Variants in KNTC1 observed in about 807,000 individuals in gnomAD.
The protein encoded by KNTC1 is kinetochore-associated protein 1.
In KNTC1, 253 loss-of-function variants were observed where a neutral mutation model predicts 314.4. The ratio of observed to expected loss-of-function variants is 0.80; its 90% confidence interval spans 0.73 to 0.89. The LOEUF is 0.89. KNTC1 is among the 40% of genes least tolerant of loss of function. The pLI, the probability that KNTC1 is intolerant of heterozygous loss-of-function variation, is 0.00. For missense variants in KNTC1, 2,475 were observed against 2,572.9 expected, an observed-to-expected ratio of 0.96 and a Z score of 0.82; for synonymous variants, 901 against 901.4, an observed-to-expected ratio of 1.00 and a Z score of 0.01.
chr12:122,596,532 TAA>T (rs1218125628), intron 43 of KNTC1, among the ~76,000 whole-genome samples: 1 of 141,112 alleles, frequency 7.1e-6, no homozygotes. Context: ...TTTTTATCTT[TAA>T]AAAAAAAAAA....
rs71085821 is a variant in KNTC1 at position 122,554,064 on chromosome 12, T to TA, written c.1272+2381dup. On this transcript the variant is annotated intron_variant, in intron 16 of 63. Transcript: ENST00000333479. ...GTTTTAAACATACAGAATACTTCCT[T>TA]AAAAAAAAAAAAATATATATATATA... 4.9e-3 allele frequency among the ~76,000 whole-genome samples: 600 copies of TA among 122,542 alleles called. 7 individuals carry two copies. The highest frequency in any genetic ancestry group is 8.9e-3 in the African/African-American group (273 of 30,536). 80.4% of individuals were successfully genotyped at this position (122,542 alleles called of 152,430 possible). A position where few individuals can be genotyped will look rare whatever the true frequency, so the allele number is the denominator to read the frequency against.
Position 122,613,148 on chromosome 12 carries a change from A to G in KNTC1, c.5659A>G (p.Thr1887Ala), listed in dbSNP as rs762564992. The change falls in exon 54 of 64, where the codon ACT becomes GCT. Residue 1887 changes from threonine (T) to alanine (A), a missense_variant. Physicochemically the swap from Thr to Ala is moderately conservative, Grantham distance 58. Coordinates refer to ENST00000333479, the MANE Select transcript of KNTC1 (RefSeq NM_014708.6). ...GCATCAGTTAACTTTTGCCCATAGA[A>G]CTCGAGCTCTTCAGTGTCTCTTCTA... ...GMHQLTFAHR[T>A]RALQCLFYLA... 1.9e-6 allele frequency: 3 copies of G among 1,613,552 alleles called. No individual in the cohort carries two copies. Among genetic ancestry groups the G allele is most frequent in the Non-Finnish European group, 1.7e-6 (2 of 1,179,612 alleles).
intron 12 of KNTC1, among the ~76,000 whole-genome samples, chr12:122,549,381 G>A (rs1963028601): frequency 6.7e-6 from 1 of 150,206 alleles, no homozygotes; most frequent in East Asian, 2.0e-4. Context: ...AGACAGTGTC[G>A]CTCTGTTGCC....
chr12:122,613,344 G>T (rs1873389733), intron 54 of KNTC1, 114 bp downstream of exon 54: 3 of 738,906 alleles, frequency 4.1e-6, no homozygotes, highest in Non-Finnish European at 6.6e-6. Context: ...TGTGAATACA[G>T]TTCTGTTGCC....
intron 59 of KNTC1, 29 bp downstream of exon 59, chr12:122,618,574 A>C (rs1480347562): frequency 6.3e-7 from 1 of 1,577,464 alleles, no homozygotes; most frequent in Non-Finnish European, 8.7e-7. Flanking sequence ...CTACCAAAAA[A>C]AAAAAAAGTT....
intron 60 of KNTC1, among the ~76,000 whole-genome samples, chr12:122,621,268 T>C (rs1460926640): frequency 2.6e-5 from 4 of 152,226 alleles, no homozygotes; most frequent in African/African-American, 9.6e-5. Context: ...TTGGAATGTT[T>C]TACAGTTATC....
At chr12:122,557,017 A>G (rs918921291) in intron 16 of KNTC1, among the ~76,000 whole-genome samples, 2 of 147,022 alleles carry the variant, frequency 1.4e-5, no homozygotes, top group African/African-American at 5.1e-5. Flanking sequence ...CGGCCTCCTG[A>G]GCAGGCTGGC....
intron 16 of KNTC1, among the ~76,000 whole-genome samples, chr12:122,555,561 AAAG>A (rs966402318): frequency 6.6e-6 from 1 of 151,106 alleles, no homozygotes; most frequent in African/African-American, 2.4e-5. Flanking sequence ...CAAAAATAAA[AAAG>A]AAGGGCCGGG....
At chr12:122,608,194 C>T (rs1266064166) in intron 51 of KNTC1, among the ~76,000 whole-genome samples, 3 of 152,200 alleles carry the variant, frequency 2.0e-5, no homozygotes, top group Non-Finnish European at 4.4e-5. Flanking sequence ...ACTACAGCCT[C>T]CGCCTCCCCG....
At chr12:122,537,285 G>C (rs1435246912) in intron 3 of KNTC1, among the ~76,000 whole-genome samples, 2 of 152,072 alleles carry the variant, frequency 1.3e-5, no homozygotes, top group African/African-American at 4.8e-5. Flanking sequence ...TGTCTCCTGT[G>C]AGCTTTCTAA....
Position 122,586,750 on chromosome 12 carries a change from T to TA in KNTC1, c.3725dup (p.Asn1242LysfsTer2), listed in dbSNP as rs1334316215. On this transcript the variant is annotated frameshift_variant, in exon 38 of 64. Transcript: ENST00000333479. LOFTEE classifies it high-confidence loss of function. ...CTACCAGTTTGCCATACTGCTCCCT[T>TA]AATGAAGGTATTTGGCACAAGAAAT... 1 of 1,417,754 alleles carries TA rather than the reference T, an allele frequency of 7.1e-7. No homozygotes were observed. Among genetic ancestry groups the TA allele is most frequent in the Non-Finnish European group, 9.5e-7 (1 of 1,052,184 alleles). 87.8% of individuals were successfully genotyped at this position (1,417,754 alleles called of 1,614,324 possible).
intron 20 of KNTC1, among the ~76,000 whole-genome samples, chr12:122,565,192 G>A (rs1964234583): frequency 6.7e-6 from 1 of 149,678 alleles, no homozygotes; most frequent in South Asian, 2.1e-4. Flanking sequence ...AAGGTGAAAA[G>A]CCTTTTGTTT....
chr12:122,542,210 T>C (rs1270223101), intron 6 of KNTC1, 83 bp downstream of exon 6: 7 of 932,964 alleles, frequency 7.5e-6, no homozygotes, highest in Non-Finnish European at 9.3e-6. Flanking sequence ...TTTTAAGTAC[T>C]CTCTTTAAGC....
At chr12:122,609,494 A>AT (rs1176388972) in intron 52 of KNTC1, 64 bp downstream of exon 52, 64 of 1,083,132 alleles carry the variant, frequency 5.9e-5, no homozygotes, top group Admixed American at 1.5e-4. Context: ...TTACCAGTAC[A>AT]TTTTTCAGCA....
chr12:122,580,941 T>C (rs926761908), intron 33 of KNTC1, among the ~76,000 whole-genome samples: 1 of 151,518 alleles, frequency 6.6e-6, no homozygotes, highest in Non-Finnish European at 1.5e-5. Context: ...GGCAGGAGAA[T>C]TGCTTGAACC....
At chr12:122,549,245 C>T (rs1023249093) in intron 12 of KNTC1, among the ~76,000 whole-genome samples, 2 of 151,996 alleles carry the variant, frequency 1.3e-5, no homozygotes, top group South Asian at 2.1e-4. Context: ...TTAGTAGAGA[C>T]GGGGTTTCAC....
At position 122,622,582 on chromosome 12, in the gene KNTC1, G is replaced by T; in HGVS notation, c.6490G>T (p.Val2164Leu). The T allele has an allele frequency of 6.4e-7, 1 of 1,551,648 alleles. No individual in the cohort carries two copies. Among genetic ancestry groups the T allele is most frequent in the African/African-American group, 1.4e-5 (1 of 73,080 alleles). Residue 2164 changes from valine (V) to leucine (L), a missense_variant, in exon 62 of 64, where the codon GTG (valine) becomes TTG (leucine). Transcript: ENST00000333479. ...GAATACCAACAATATCACTGAGCTAGTGAACTATTTGGCAAATGACTTAAG... is the reference window on the plus strand; with the variant it reads ...GAATACCAACAATATCACTGAGCTATTGAACTATTTGGCAAATGACTTAAG... ...AMNTNNITEL[V>L]NYLANDLSLD...
Position 122,575,539 on chromosome 12 carries a change from G to T in KNTC1, c.2383-4G>T. On this transcript the variant is annotated splice_polypyrimidine_tract_variant and splice_region_variant and intron_variant, in intron 27 of 63. Coordinates refer to ENST00000333479, the MANE Select transcript of KNTC1 (RefSeq NM_014708.6). Reference sequence around the variant, plus strand: ...TTCCTTGTCCATGCGTGCATCTTTTGTAGCTCATATTTGATGCCGTGCTCA... The same window carrying T: ...TTCCTTGTCCATGCGTGCATCTTTTTTAGCTCATATTTGATGCCGTGCTCA... 2.5e-6 allele frequency: 4 copies of T among 1,576,970 alleles called. No individual in the cohort carries two copies. The highest frequency in any genetic ancestry group is 3.4e-6 in the Non-Finnish European group (4 of 1,159,844).
chr12:122,566,735 AT>A (rs1964368813), intron 20 of KNTC1, among the ~76,000 whole-genome samples: 1 of 129,776 alleles, frequency 7.7e-6, no homozygotes, highest in South Asian at 2.6e-4. Context: ...GTTGAGACGG[AT>A]TTTGCCATGT....
Sources: allele counts gnomAD v4.1 joint callset (sites outside exome capture counted in the v4.1 genomes callset), GRCh38; gene constraint gnomAD v4.1.1; transcripts MANE v1.5; gene names NCBI Gene and HGNC (gene_info 2026-07-23, HGNC 2026-07-21).